The following NBAS variants were observed in gnomAD, a reference collection of about 807,000 sequenced individuals.
The protein encoded by NBAS is NBAS subunit of NRZ tethering complex.
In NBAS, 219 loss-of-function variants were observed where a neutral mutation model predicts 302.5. The ratio of observed to expected loss-of-function variants is 0.72; its 90% confidence interval spans 0.65 to 0.81. The LOEUF is 0.81. NBAS is among the 30% of genes least tolerant of loss of function. The pLI is 0.00. For synonymous variants in NBAS, 1,118 were observed against 1,021.6 expected (o/e 1.09, Z -1.80); for missense variants, 2,932 against 2,841.6 (o/e 1.03, Z -0.72).
At chr2:15,178,232 T>C in intron 51 of NBAS, 1 of 458,916 alleles carries the variant, frequency 2.2e-6, no homozygotes, top group South Asian at 1.6e-5. Flanking sequence ...AATGTAAAAT[T>C]ACATATGTGT....
chr2:15,148,563 G>A, the NBAS span, among the ~76,000 whole-genome samples: 1 of 152,152 alleles, frequency 6.6e-6, no homozygotes, highest in African/African-American at 2.4e-5. Flanking sequence ...GGTGAAGGTT[G>A]GCCGCCCTAA....
rs541251483 is a variant in NBAS at position 15,279,239 on chromosome 2, T to G, written c.5139-2138A>C. 2.0e-5 allele frequency among the ~76,000 whole-genome samples: 3 copies of G among 152,280 alleles called. No individual in the cohort carries two copies. In the East Asian group the frequency reaches 5.8e-4, roughly 29 times the overall value. On this transcript the variant is annotated intron_variant, in intron 42 of 51. Transcript: ENST00000281513. ...TCATGCTGATTACTTTCTTGCTAAG[T>G]TAAAGTTGGGTAATTATCAACTTAT... is the stretch of plus-strand genomic sequence containing the variant.
chr2:14,788,393 C>T, the NBAS span, among the ~76,000 whole-genome samples: 120 of 152,240 alleles, frequency 7.9e-4, no homozygotes, highest in African/African-American at 2.4e-3. Context: ...GGAGGAGAGG[C>T]GCTCTGCTTT....
At chr2:15,325,670 C>T (rs1672030023) in intron 38 of NBAS, among the ~76,000 whole-genome samples, 1 of 152,186 alleles carries the variant, frequency 6.6e-6, no homozygotes, top group African/African-American at 2.4e-5. Flanking sequence ...TCTATCCAGG[C>T]CACTAAAACT....
At chr2:14,890,089 T>TA in the NBAS span, among the ~76,000 whole-genome samples, 1 of 152,212 alleles carries the variant, frequency 6.6e-6, no homozygotes, top group Non-Finnish European at 1.5e-5. Flanking sequence ...TATATTATTC[T>TA]AAAAAATTAC....
chr2:15,457,837 A>G (rs1249775261), intron 21 of NBAS, among the ~76,000 whole-genome samples: 1 of 152,208 alleles, frequency 6.6e-6, no homozygotes, highest in Non-Finnish European at 1.5e-5. Flanking sequence ...TCTACTTGTC[A>G]TTTAGGGTAA....
chr2:15,024,977 A>G, the NBAS span, among the ~76,000 whole-genome samples: 1 of 152,140 alleles, frequency 6.6e-6, no homozygotes, highest in Admixed American at 6.6e-5. Context: ...ATTAGGTCCC[A>G]TTTGTCAATG....
At chr2:15,182,702 G>A (rs1038880317) in intron 50 of NBAS, among the ~76,000 whole-genome samples, 1 of 152,186 alleles carries the variant, frequency 6.6e-6, no homozygotes, top group Non-Finnish European at 1.5e-5. Context: ...CAAGTCTTGA[G>A]AGGGCTTTAT....
chr2:14,888,234 G>C, the NBAS span, among the ~76,000 whole-genome samples: 1 of 152,172 alleles, frequency 6.6e-6, no homozygotes, highest in African/African-American at 2.4e-5. Context: ...GGGTTCAAGT[G>C]GTTATCCTGC....
chr2:14,800,356 C>A, the NBAS span, among the ~76,000 whole-genome samples: 1 of 152,136 alleles, frequency 6.6e-6, no homozygotes, highest in Non-Finnish European at 1.5e-5. Context: ...TCTCTCTTTG[C>A]CTGCTGCCAT....
At chr2:15,020,655 G>T in the NBAS span, among the ~76,000 whole-genome samples, 2 of 152,324 alleles carry the variant, frequency 1.3e-5, no homozygotes, top group Non-Finnish European at 2.9e-5. Context: ...ACTCCTGAGA[G>T]CAAGAGTGAA....
intron 49 of NBAS, among the ~76,000 whole-genome samples, chr2:15,190,036 C>CA (rs1282628671): frequency 6.6e-6 from 1 of 152,124 alleles, no homozygotes; most frequent in African/African-American, 2.4e-5. Flanking sequence ...CAGATATTAT[C>CA]AAGCATTGTC....
the NBAS span, among the ~76,000 whole-genome samples, chr2:15,153,912 G>A: frequency 6.6e-6 from 1 of 152,190 alleles, no homozygotes; most frequent in African/African-American, 2.4e-5. Flanking sequence ...CTGTACTAAT[G>A]TGTGTTATCA....
intron 44 of NBAS, among the ~76,000 whole-genome samples, chr2:15,243,288 A>G (rs1336031308): frequency 1.3e-5 from 2 of 152,134 alleles, no homozygotes; most frequent in African/African-American, 4.8e-5. Context: ...ACCATTTCAG[A>G]GCCGGGCAAT....
chr2:15,253,427 G>T (rs1668449042), intron 44 of NBAS, among the ~76,000 whole-genome samples: 1 of 152,202 alleles, frequency 6.6e-6, no homozygotes, highest in South Asian at 2.1e-4. Flanking sequence ...AGCAAGAGAA[G>T]AGATGCAAAG....
chr2:14,997,882 C>T, the NBAS span, among the ~76,000 whole-genome samples: 1 of 152,156 alleles, frequency 6.6e-6, no homozygotes, highest in Admixed American at 6.5e-5. Flanking sequence ...CAGGCAATCA[C>T]AGAAAAGAGA....
the NBAS span, among the ~76,000 whole-genome samples, chr2:14,799,192 A>C: frequency 5.3e-4 from 81 of 152,206 alleles, no homozygotes; most frequent in Admixed American, 3.3e-3. Context: ...ATTTACTGTC[A>C]TAAATTTACC....
Position 15,218,790 on chromosome 2 carries a change from A to C in NBAS, c.6415T>G (p.Ser2139Ala). 2 of 1,614,250 alleles carry C rather than the reference A, an allele frequency of 1.2e-6. No individual in the cohort carries two copies. Among genetic ancestry groups the C allele is most frequent in the Non-Finnish European group, 8.5e-7 (1 of 1,180,042 alleles). Residue 2139 changes from serine to alanine, a missense_variant, in exon 48 of 52, where the codon TCC becomes GCC. By Grantham distance (99) the Ser-to-Ala change is moderately conservative. Coordinates refer to ENST00000281513, the MANE Select transcript of NBAS (RefSeq NM_015909.4). ...FFRTEAILKA[S>A]WPQRQVDIAD... ...TCCCTTACCTGTCTCTGGGGCCAGG[A>C]GGCTTTGAGAATGGCTTCAGTTCTA...
chr2:15,023,519 G>A, the NBAS span, among the ~76,000 whole-genome samples: 116,401 of 151,110 alleles, frequency 0.77, 45,126 homozygotes, highest in East Asian at 1. Flanking sequence ...TTATAAAAAG[G>A]TTATAACTTT....
Sources: allele counts gnomAD v4.1 joint callset (sites outside exome capture counted in the v4.1 genomes callset), GRCh38; gene constraint gnomAD v4.1.1; transcripts MANE v1.5; gene names NCBI Gene and HGNC (gene_info 2026-07-23, HGNC 2026-07-21).